CFAP61: variants seen among roughly 807,000 people sequenced by gnomAD.
CFAP61 encodes the protein cilia and flagella associated protein 61.
CFAP61 carries 107 observed loss-of-function variants against 135.6 expected under a neutral mutation model. That is an observed-to-expected ratio of 0.79 (90% CI 0.67 to 0.93). The LOEUF is 0.93. Ranked by LOEUF, CFAP61 falls within the 40% of genes least tolerant of loss-of-function variation. The probability of loss-of-function intolerance (pLI) is 0.00; values close to 1 mark genes in which losing one functional copy is unlikely to be tolerated. For missense variants in CFAP61, 1,507 were observed against 1,556.2 expected (o/e 0.97, Z 0.53); for synonymous variants, 575 against 578.5 (o/e 0.99, Z 0.09).
intron 25 of CFAP61, among the ~76,000 whole-genome samples, chr20:20,308,105 G>A (rs910562384): frequency 6.6e-6 from 1 of 152,174 alleles, no homozygotes; most frequent in East Asian, 1.9e-4. Flanking sequence ...ACTGCCCCAC[G>A]TGACAAGTGG....
chr20:20,330,716 G>A (rs1259904045), intron 25 of CFAP61, among the ~76,000 whole-genome samples: 1 of 152,156 alleles, frequency 6.6e-6, no homozygotes, highest in Non-Finnish European at 1.5e-5. Context: ...GCTTCAGCAG[G>A]TGCAGCGGTG....
At chr20:20,357,040 A>G (rs1040847765) in intron 26 of CFAP61, among the ~76,000 whole-genome samples, 19 of 15,434 alleles carry the variant, frequency 1.2e-3, no homozygotes, top group African/African-American at 1.8e-3. Flanking sequence ...TCACACTGAG[A>G]GGAGGTGGTC....
chr20:20,077,943 A>G (rs1337314925), intron 6 of CFAP61, among the ~76,000 whole-genome samples: 2 of 152,238 alleles, frequency 1.3e-5, no homozygotes, highest in African/African-American at 4.8e-5. Flanking sequence ...CTCTTGGATC[A>G]GGAAAAATGC....
intron 8 of CFAP61, among the ~76,000 whole-genome samples, chr20:20,119,830 C>T (rs2049473243): frequency 6.6e-6 from 1 of 152,128 alleles, no homozygotes; most frequent in Non-Finnish European, 1.5e-5. Flanking sequence ...GTCTGTTGTT[C>T]CCCTGTATGT....
intron 18 of CFAP61, among the ~76,000 whole-genome samples, chr20:20,238,578 A>G (rs561327269): frequency 3.2e-4 from 49 of 152,370 alleles, no homozygotes; most frequent in African/African-American, 1.1e-3. Context: ...CACGCACAGC[A>G]CACACAAAAT....
intron 20 of CFAP61, among the ~76,000 whole-genome samples, chr20:20,256,401 CACA>C (rs1412658422): frequency 2.5e-4 from 1 of 4,074 alleles, no homozygotes; most frequent in Non-Finnish European, 5.4e-4. Flanking sequence ...AAATTTAGGC[CACA>C]CACACACACA....
chr20:20,179,933 C>G (rs2054923799), intron 13 of CFAP61, among the ~76,000 whole-genome samples: 1 of 152,036 alleles, frequency 6.6e-6, no homozygotes, highest in Non-Finnish European at 1.5e-5. Context: ...GGAAGACAAC[C>G]TAGGCAGTAC....
At chr20:20,237,127 A>G (rs573420096) in intron 18 of CFAP61, among the ~76,000 whole-genome samples, 19 of 152,242 alleles carry the variant, frequency 1.2e-4, no homozygotes, top group African/African-American at 4.6e-4. Context: ...TTATGTGTTT[A>G]TTTTGTGATA....
chr20:20,071,328 T>C (rs1265068109), intron 3 of CFAP61, among the ~76,000 whole-genome samples: 1 of 152,170 alleles, frequency 6.6e-6, no homozygotes. Flanking sequence ...TCCAAGGTCA[T>C]TGATATGTTA....
chr20:20,314,391 CAAAA>C (rs528868861), intron 25 of CFAP61, among the ~76,000 whole-genome samples: 1 of 58,924 alleles, frequency 1.7e-5, no homozygotes, highest in Non-Finnish European at 3.8e-5. Flanking sequence ...GACCCCATCT[CAAAA>C]AAAAAAAAAA....
intron 16 of CFAP61, 143 bp from the exon 17 acceptor site, chr20:20,199,625 T>C (rs1322549670): frequency 5.3e-6 from 4 of 756,912 alleles, no homozygotes; most frequent in African/African-American, 1.8e-5. Context: ...GCTCGAAGAG[T>C]ATGTTTGTTT....
intron 8 of CFAP61, among the ~76,000 whole-genome samples, chr20:20,126,418 G>A (rs940914425): frequency 2.0e-5 from 3 of 151,812 alleles, no homozygotes; most frequent in African/African-American, 4.9e-5. Flanking sequence ...TAGTAGTGGC[G>A]AATTCTCTCA....
rs1157335069 is a variant in CFAP61, at chr20:20,118,269, C to G, written c.859+19455C>G. Among the ~76,000 whole-genome samples, 128 of 76,116 alleles carry G rather than the reference C, an allele frequency of 1.7e-3. 1 individual carries two copies. Among genetic ancestry groups the G allele is most frequent in the African/African-American group, 4.3e-3 (126 of 29,354 alleles). The allele number at this position is 76,116 out of a possible 152,430, so 49.9% of individuals were successfully genotyped here. On this transcript the variant is annotated intron_variant, in intron 8 of 26. Coordinates refer to ENST00000245957, the MANE Select transcript of CFAP61 (RefSeq NM_015585.4). ...TTGAGGTATGTTTCTTTCTTTCTTTCTTTCTTTCTTTCTTTCTTTCTTTCT... is the reference window on the plus strand; with the variant it reads ...TTGAGGTATGTTTCTTTCTTTCTTTGTTTCTTTCTTTCTTTCTTTCTTTCT...
rs144023076 is a variant in CFAP61 at position 20,196,728 on chromosome 20, T to C, written c.1749T>C (p.Phe583=). ...FFLKEILRLG[F]KSCLYYRVYP... is the part of the protein sequence containing the mutation. ...TGAAGGAGATCCTGCGTTTAGGCTT[T>C]AAATCCTGTCTCTACTACCGTGTTT... The change falls in exon 16 of 27, where the codon TTT becomes TTC. Residue 583 remains phenylalanine (F), a synonymous_variant. Transcript: ENST00000245957. The C allele has an allele frequency of 1.2e-6, 2 of 1,614,220 alleles. No homozygotes were observed. Among genetic ancestry groups the C allele is most frequent in the African/African-American group, 2.7e-5 (2 of 75,070 alleles).
At chr20:20,097,094 CT>C (rs1568893483) in intron 7 of CFAP61, among the ~76,000 whole-genome samples, 1 of 30,874 alleles carries the variant, frequency 3.2e-5, no homozygotes, top group Non-Finnish European at 7.0e-5. Context: ...AGTTTAATAC[CT>C]ATTTTTTTTT....
intron 1 of CFAP61, chr20:20,056,168 T>G (rs562039126): frequency 1.7e-6 from 1 of 600,084 alleles, no homozygotes; most frequent in Non-Finnish European, 2.9e-6. Flanking sequence ...CAGAACTTTT[T>G]TGGTCTCAAA....
chr20:20,135,449 C>A (rs559114098), intron 8 of CFAP61, among the ~76,000 whole-genome samples: 1 of 152,186 alleles, frequency 6.6e-6, no homozygotes, highest in Non-Finnish European at 1.5e-5. Context: ...AGGACTTACT[C>A]ACTCTTCAGA....
intron 26 of CFAP61, among the ~76,000 whole-genome samples, chr20:20,343,205 C>A (rs2058511411): frequency 6.6e-6 from 1 of 152,206 alleles, no homozygotes; most frequent in Non-Finnish European, 1.5e-5. Context: ...AAGCTTCACA[C>A]TCCGGGGTGT....
chr20:20,110,771 G>T (rs1298415689), intron 8 of CFAP61, among the ~76,000 whole-genome samples: 1 of 152,148 alleles, frequency 6.6e-6, no homozygotes, highest in East Asian at 1.9e-4. Flanking sequence ...GCAGCTCCAA[G>T]CACGAGGCCC....
Sources: gnomAD v4.1 joint callset for allele counts (sites outside exome capture counted in the v4.1 genomes callset) on GRCh38, gnomAD v4.1.1 for gene constraint, MANE v1.5 for transcripts, NCBI Gene and HGNC (gene_info 2026-07-23, HGNC 2026-07-21) for gene names.